The following LARGE1 variants were observed in gnomAD, a reference collection of about 807,000 sequenced individuals.
LARGE1 encodes xylosyl- and glucuronyltransferase LARGE1.
In LARGE1, 43 loss-of-function variants were observed where a neutral mutation model predicts 87.6. The ratio of observed to expected loss-of-function variants is 0.49; its 90% CI spans 0.38 to 0.63. The LOEUF (loss-of-function observed/expected upper bound fraction) is 0.63, where lower values mean the gene tolerates loss of function less well. Ranked by LOEUF, LARGE1 falls within the 30% of genes least tolerant of loss-of-function variation. The pLI, the probability that LARGE1 is intolerant of heterozygous loss-of-function variation, is 0.00. For synonymous variants in LARGE1, 434 were observed against 394.6 expected (o/e 1.10, Z -1.18); for missense variants, 802 against 1,000.2 (o/e 0.80, Z 2.67).
intron 11 of LARGE1, among the ~76,000 whole-genome samples, chr22:33,207,350 G>A (rs1036597496): frequency 6.6e-6 from 1 of 152,172 alleles, no homozygotes; most frequent in African/African-American, 2.4e-5. Context: ...TACAGTTGAC[G>A]CTTCTTCCCT....
chr22:33,074,362 A>C, the LARGE1 span, among the ~76,000 whole-genome samples: 1 of 152,178 alleles, frequency 6.6e-6, no homozygotes, highest in African/African-American at 2.4e-5. Context: ...AATGGCCTTA[A>C]GAAAAATAAA....
At chr22:33,457,894 C>A (rs1332277762) in intron 6 of LARGE1, among the ~76,000 whole-genome samples, 1 of 152,072 alleles carries the variant, frequency 6.6e-6, no homozygotes, top group Non-Finnish European at 1.5e-5. Flanking sequence ...GAAAACGACA[C>A]AACCTTAGTT....
At chr22:33,856,312 G>A (rs16993180) in intron 1 of LARGE1, among the ~76,000 whole-genome samples, 25,878 of 151,998 alleles carry the variant, frequency 0.17, 2,403 homozygotes, top group Admixed American at 0.3. Context: ...AACCATTCCC[G>A]ACAGAACAAG....
chr22:33,867,270 A>C (rs1288047530), intron 1 of LARGE1, among the ~76,000 whole-genome samples: 1 of 152,222 alleles, frequency 6.6e-6, no homozygotes, highest in East Asian at 1.9e-4. Flanking sequence ...AATCATCATG[A>C]ACAGGAATCT....
At chr22:33,846,652 A>T (rs1206851429) in intron 1 of LARGE1, among the ~76,000 whole-genome samples, 1 of 152,216 alleles carries the variant, frequency 6.6e-6, no homozygotes, top group African/African-American at 2.4e-5. Flanking sequence ...TTTCTCAGCA[A>T]GGAACATCCC....
the LARGE1 span, among the ~76,000 whole-genome samples, chr22:33,155,344 C>T: frequency 2.2e-3 from 330 of 152,220 alleles, 1 homozygote; most frequent in African/African-American, 7.4e-3. Flanking sequence ...AATGGCTTGA[C>T]CAAAATGCTG....
intron 3 of LARGE1, among the ~76,000 whole-genome samples, chr22:33,632,356 T>C (rs2080137575): frequency 6.6e-6 from 1 of 152,162 alleles, no homozygotes; most frequent in South Asian, 2.1e-4. Context: ...ACTCCTGGCC[T>C]CATGTGATCC....
intron 2 of LARGE1, among the ~76,000 whole-genome samples, chr22:33,670,937 G>A (rs2149263559): frequency 6.6e-6 from 1 of 152,216 alleles, no homozygotes; most frequent in South Asian, 2.1e-4. Flanking sequence ...TTACCTACGG[G>A]TGCTGTGAAA....
intron 6 of LARGE1, among the ~76,000 whole-genome samples, chr22:33,504,779 T>C (rs1441214745): frequency 6.6e-6 from 1 of 152,206 alleles, no homozygotes; most frequent in African/African-American, 2.4e-5. Context: ...AGTCTCACAG[T>C]TGCTATAAGA....
chr22:33,822,985 T>C (rs1380735123), intron 1 of LARGE1, among the ~76,000 whole-genome samples: 1 of 152,126 alleles, frequency 6.6e-6, no homozygotes, highest in African/African-American at 2.4e-5. Context: ...TCCCAGGGTA[T>C]AAGTTACCTG....
chr22:33,561,426 A>G (rs750713912), intron 6 of LARGE1, among the ~76,000 whole-genome samples: 1 of 152,172 alleles, frequency 6.6e-6, no homozygotes, highest in Non-Finnish European at 1.5e-5. Flanking sequence ...TATGAAAATA[A>G]GTTTCCCATG....
chr22:33,403,898 C>T (rs969054965), intron 7 of LARGE1, among the ~76,000 whole-genome samples: 1 of 152,154 alleles, frequency 6.6e-6, no homozygotes, highest in Non-Finnish European at 1.5e-5. Flanking sequence ...GCGCCCGGCC[C>T]ATACTAGCTC....
chr22:33,396,958 A>T (rs551277870), intron 7 of LARGE1, among the ~76,000 whole-genome samples: 1 of 152,300 alleles, frequency 6.6e-6, no homozygotes, highest in South Asian at 2.1e-4. Context: ...TTAGAGTGGA[A>T]TGTACATTCA....
At chr22:33,611,200 C>T (rs1317076209) in intron 4 of LARGE1, among the ~76,000 whole-genome samples, 2 of 152,130 alleles carry the variant, frequency 1.3e-5, no homozygotes, top group African/African-American at 4.8e-5. Flanking sequence ...GGGAAGGGGG[C>T]CACTATCGTC....
At chr22:33,123,590 T>C in the LARGE1 span, among the ~76,000 whole-genome samples, 1 of 152,198 alleles carries the variant, frequency 6.6e-6, no homozygotes, top group African/African-American at 2.4e-5. Context: ...TAGCAAAGCA[T>C]TACAAAAGCC....
the LARGE1 span, among the ~76,000 whole-genome samples, chr22:33,130,293 GAA>G: frequency 1.8e-5 from 2 of 112,226 alleles, no homozygotes; most frequent in African/African-American, 7.5e-5. Flanking sequence ...CAGCCTGGGC[GAA>G]AGAGTGAGAT....
In LARGE1 at chr22:33,826,414, C is replaced by G. The variant is rs796972712; in HGVS notation, c.-82-64856G>C. ...CTGGAGCACAATGGCGCAATCTCGGCTCGCTGCAACCTCCGCCTCCTGGGT... is the reference window on the plus strand; with the variant it reads ...CTGGAGCACAATGGCGCAATCTCGGGTCGCTGCAACCTCCGCCTCCTGGGT... On this transcript the variant is annotated intron_variant, in intron 1 of 14. Transcript: ENST00000397394. 6.0e-5 allele frequency among the ~76,000 whole-genome samples: 9 copies of G among 150,868 alleles called. 1 individual carries two copies. The highest frequency in any genetic ancestry group is 2.2e-4 in the African/African-American group (9 of 40,764).
Position 33,653,518 on chromosome 22 carries a change from G to A in LARGE1, c.107-2850C>T, listed in dbSNP as rs1416985835. Among the ~76,000 whole-genome samples, 6 of 152,174 alleles carry A rather than the reference G, an allele frequency of 3.9e-5. No individual in the cohort carries two copies. In the East Asian group the frequency reaches 1.2e-3, roughly 29 times the overall value. On this transcript the variant is annotated intron_variant, in intron 2 of 14. Transcript: ENST00000397394. ...TAGAAAATTAACAAATGGGACCTGT[G>A]AGTTTCCTCTTTGGAGGAGTTACAT...
At chr22:33,813,430 C>T (rs1404101140) in intron 1 of LARGE1, among the ~76,000 whole-genome samples, 1 of 152,006 alleles carries the variant, frequency 6.6e-6, no homozygotes, top group South Asian at 2.1e-4. Context: ...CCAGCAATGT[C>T]CCACACACAC....
Sources: allele counts gnomAD v4.1 joint callset (sites outside exome capture counted in the v4.1 genomes callset), GRCh38; gene constraint gnomAD v4.1.1; transcripts MANE v1.5; gene names NCBI Gene and HGNC (gene_info 2026-07-23, HGNC 2026-07-21).